The following MYT1L variants were observed in gnomAD, a reference collection of about 807,000 sequenced individuals.
The protein encoded by MYT1L is myelin transcription factor 1 like, also known as myelin transcription factor 1-like protein.
MYT1L carries 12 observed loss-of-function variants against 126.7 expected under a neutral mutation model. That is an observed-to-expected ratio of 0.09 (90% CI 0.06 to 0.15). MYT1L has a LOEUF of 0.15. Among genes scored for constraint, MYT1L ranks in the 10% least tolerant of loss-of-function variants. The probability of loss-of-function intolerance (pLI) is 1.00; values close to 1 mark genes in which losing one functional copy is unlikely to be tolerated. For missense variants in MYT1L, 979 were observed against 1,585.2 expected (o/e 0.62, Z 6.49); for synonymous variants, 541 against 604.2 (o/e 0.90, Z 1.53).
At chr2:2,126,116 G>A (rs1027118405) in intron 3 of MYT1L, among the ~76,000 whole-genome samples, 18 of 152,252 alleles carry the variant, frequency 1.2e-4, no homozygotes, top group South Asian at 2.1e-4. Flanking sequence ...CCCTTTCCCA[G>A]ATCTCCAACT....
chr2:2,106,416 A>G (rs1199263544), intron 3 of MYT1L, among the ~76,000 whole-genome samples: 1 of 152,094 alleles, frequency 6.6e-6, no homozygotes, highest in East Asian at 1.9e-4. Flanking sequence ...TCAGGAGTTC[A>G]AGATCAGCCT....
intron 11 of MYT1L, among the ~76,000 whole-genome samples, chr2:1,914,040 G>A (rs147242697): frequency 0.013 from 2,053 of 152,168 alleles, 54 homozygotes; most frequent in African/African-American, 0.047. Context: ...CGGATCACAA[G>A]GTCAGGAGTT....
At chr2:2,320,143 C>T (rs962876994) in intron 1 of MYT1L, among the ~76,000 whole-genome samples, 3 of 152,064 alleles carry the variant, frequency 2.0e-5, no homozygotes, top group African/African-American at 7.2e-5. Context: ...GGGAGAACTG[C>T]TACCCCAGTG....
intron 20 of MYT1L, among the ~76,000 whole-genome samples, chr2:1,840,048 G>A (rs918103860): frequency 1.3e-5 from 2 of 152,250 alleles, no homozygotes; most frequent in Non-Finnish European, 2.9e-5. Context: ...TGTGTCCTGA[G>A]CAGTGAGTTT....
rs1017946293 is a variant in MYT1L at position 1,929,937 on chromosome 2, C to T, written c.506-6674G>A. ...CCGGGACATATTCGGAGGGTCACAA[C>T]GCAGTGTCATCTCTAAGATAATTTT... On this transcript the variant is annotated intron_variant, in intron 9 of 24. Coordinates refer to ENST00000647738, the MANE Select transcript of MYT1L (RefSeq NM_001303052.2). The surrounding 1 kb of genome is among the most constrained non-coding windows in gnomAD (Gnocchi z 4.7). 1.3e-5 allele frequency among the ~76,000 whole-genome samples: 2 copies of T among 152,202 alleles called. No homozygotes were observed. The highest frequency in any genetic ancestry group is 2.9e-5 in the Non-Finnish European group (2 of 68,044).
At chr2:1,964,261 GT>G (rs1159565832) in intron 8 of MYT1L, among the ~76,000 whole-genome samples, 3 of 152,168 alleles carry the variant, frequency 2.0e-5, no homozygotes, top group African/African-American at 7.2e-5. Flanking sequence ...GGTTCCTGGT[GT>G]CCCCAAACAA....
At chr2:1,973,769 AC>A (rs1424368262) in intron 8 of MYT1L, among the ~76,000 whole-genome samples, 1 of 152,148 alleles carries the variant, frequency 6.6e-6, no homozygotes, top group Non-Finnish European at 1.5e-5. Flanking sequence ...TCCAGGCCTC[AC>A]CCCGTGATGC....
At chr2:2,033,404 T>C (rs1193454077) in intron 4 of MYT1L, among the ~76,000 whole-genome samples, 23 of 136,326 alleles carry the variant, frequency 1.7e-4, no homozygotes, top group Middle Eastern at 4.9e-3. Flanking sequence ...GTGCCTCTCA[T>C]CCTGTGGCCC....
At chr2:2,089,914 T>G (rs1281244093) in intron 3 of MYT1L, among the ~76,000 whole-genome samples, 1 of 152,198 alleles carries the variant, frequency 6.6e-6, no homozygotes. Context: ...TCAGTCCCTG[T>G]GAACATAAGT....
chr2:2,017,106 G>A (rs1013818485), intron 4 of MYT1L, among the ~76,000 whole-genome samples: 2 of 152,220 alleles, frequency 1.3e-5, no homozygotes, highest in South Asian at 2.1e-4. Flanking sequence ...CATCATTACA[G>A]GCTGGGGAGT....
chr2:2,092,905 C>CCCTGCCCTTT (rs1179339680), intron 3 of MYT1L, among the ~76,000 whole-genome samples: 1 of 152,194 alleles, frequency 6.6e-6, no homozygotes, highest in East Asian at 1.9e-4. Flanking sequence ...CCGGGCATCG[C>CCCTGCCCTTT]CCTGCCCTTT....
intron 18 of MYT1L, among the ~76,000 whole-genome samples, chr2:1,865,398 C>T (rs752057561): frequency 1.3e-5 from 2 of 152,158 alleles, no homozygotes; most frequent in Non-Finnish European, 2.9e-5. Flanking sequence ...AGAGCCAGAC[C>T]GGGTTTGGCC....
intron 1 of MYT1L, among the ~76,000 whole-genome samples, chr2:2,291,947 G>A (rs1047901662): frequency 6.6e-6 from 1 of 152,236 alleles, no homozygotes; most frequent in Non-Finnish European, 1.5e-5. Context: ...GCAGAGGAGC[G>A]CTCGACAGCC....
intron 3 of MYT1L, among the ~76,000 whole-genome samples, chr2:2,169,922 A>G (rs556420406): frequency 6.6e-6 from 1 of 152,336 alleles, no homozygotes; most frequent in East Asian, 1.9e-4. Flanking sequence ...TTTCAGGATG[A>G]TATTTCTAGT....
At chr2:2,033,802 C>T (rs1194946633) in intron 4 of MYT1L, among the ~76,000 whole-genome samples, 8 of 152,156 alleles carry the variant, frequency 5.3e-5, no homozygotes, top group Non-Finnish European at 8.8e-5. Context: ...GCCCCAACGG[C>T]CCCTGGGGAC....
intron 3 of MYT1L, among the ~76,000 whole-genome samples, chr2:2,097,048 C>T (rs1419376830): frequency 6.6e-6 from 1 of 152,154 alleles, no homozygotes; most frequent in Non-Finnish European, 1.5e-5. Context: ...GCCACCTCTT[C>T]CAATCTCCCT....
rs1445433810 is a variant in MYT1L, at chr2:2,119,377, T to G, written c.-304+53495A>C. 2.0e-5 allele frequency among the ~76,000 whole-genome samples: 3 copies of G among 152,228 alleles called. No homozygotes were observed. The East Asian group carries it at 5.8e-4, about 29-fold the overall frequency. On this transcript the variant is annotated intron_variant, in intron 3 of 24. Coordinates refer to ENST00000647738, the MANE Select transcript of MYT1L (RefSeq NM_001303052.2). ...AAATGTAGTCTAAGGTAAAAACTCA[T>G]AAATATCTCATCTTATTTGGGAGTC...
At position 1,979,552 on chromosome 2, in the gene MYT1L, G is replaced by T; in HGVS notation, c.58C>A (p.Pro20Thr). The T allele has an allele frequency of 1.9e-6, 3 of 1,613,526 alleles. No individual in the cohort carries two copies. The highest frequency in any genetic ancestry group is 1.1e-5 in the South Asian group (1 of 91,064). Residue 20 changes from proline to threonine, a missense_variant and splice_region_variant, in exon 7 of 25, where the codon CCC becomes ACC. Physicochemically the swap from Pro to Thr is conservative, Grantham distance 38. Transcript: ENST00000647738. This position sits in a 1 kb window ranked among gnomAD's most constrained non-coding sequence, Gnocchi z 4.0. ...HRTRSKGVRV[P>T]VEPAIQELFS... Reference sequence around the variant, plus strand: ...AGCTCTTGTATGGCTGGTTCCACGGGAACTGCAGAGAGATGGAAATAGATA... The same window carrying T: ...AGCTCTTGTATGGCTGGTTCCACGGTAACTGCAGAGAGATGGAAATAGATA...
At chr2:1,951,283 C>T (rs979575424) in intron 8 of MYT1L, among the ~76,000 whole-genome samples, 1 of 151,708 alleles carries the variant, frequency 6.6e-6, no homozygotes, top group Admixed American at 6.6e-5. Flanking sequence ...AGAGTGAGGG[C>T]TCCACCCTGA....
Sources: allele counts gnomAD v4.1 joint callset (sites outside exome capture counted in the v4.1 genomes callset), GRCh38; gene constraint gnomAD v4.1.1; non-coding constraint Gnocchi (gnomAD v3.1); transcripts MANE v1.5; gene names NCBI Gene and HGNC (gene_info 2026-07-23, HGNC 2026-07-21).